OPHN1: variants seen among roughly 807,000 people sequenced by gnomAD.
The protein encoded by OPHN1 is oligophrenin-1.
A neutral mutation model predicts 60.7 loss-of-function variants in OPHN1; 11 were observed. The ratio of observed to expected loss-of-function variants is 0.18; its 90% CI spans 0.11 to 0.30. The LOEUF is 0.30. Among genes scored for constraint, OPHN1 ranks in the 10% least tolerant of loss-of-function variants. The pLI, the probability that OPHN1 is intolerant of heterozygous loss-of-function variation, is 1.00. For synonymous variants in OPHN1, 226 were observed against 222.6 expected (o/e 1.02, Z -0.14); for missense variants, 449 against 611.0 (o/e 0.73, Z 2.80).
At chrX:68,396,475 C>A (rs1213659999) in intron 2 of OPHN1, among the ~76,000 whole-genome samples, 1 of 105,066 alleles carries the variant, frequency 9.5e-6, no homozygotes, top group African/African-American at 3.5e-5. Flanking sequence ...GTGTTTAGGG[C>A]AAGAGAACTT....
rs537093148 is a variant in OPHN1 at position 68,232,929 on chromosome X, C to CTT, written c.486+1556_486+1557dup. Among the ~76,000 whole-genome samples, 710 of 94,160 alleles carry CTT rather than the reference C, an allele frequency of 7.5e-3. 16 individuals are homozygous for CTT. Among genetic ancestry groups the CTT allele is most frequent in the African/African-American group, 0.026 (654 of 25,640 alleles). 81.8% of individuals were successfully genotyped at this position (94,160 alleles called of 115,157 possible). A position where few individuals can be genotyped will look rare whatever the true frequency, so the allele number is the denominator to read the frequency against. ...ATACTAACTCCATCCACAACTAAGGCTTTTTTTTTTTTTTTTGAGACAGAG... is the reference window on the plus strand; with the variant it reads ...ATACTAACTCCATCCACAACTAAGGCTTTTTTTTTTTTTTTTTTGAGACAGAG... On this transcript the variant is annotated intron_variant, in intron 6 of 24. Coordinates refer to ENST00000355520, the MANE Select transcript of OPHN1 (RefSeq NM_002547.3).
intron 15 of OPHN1, among the ~76,000 whole-genome samples, chrX:68,145,828 T>A (rs1054550478): frequency 6.2e-5 from 7 of 112,394 alleles, no homozygotes; most frequent in African/African-American, 9.7e-5. Context: ...TACTTACACA[T>A]GTTTGATACA....
intron 5 of OPHN1, among the ~76,000 whole-genome samples, chrX:68,246,398 T>TA (rs1293697588): frequency 9.0e-6 from 1 of 111,286 alleles, no homozygotes; most frequent in Non-Finnish European, 1.9e-5. Flanking sequence ...AGGAGTGGGA[T>TA]AAAAAACCCA....
intron 5 of OPHN1, among the ~76,000 whole-genome samples, chrX:68,261,822 G>A (rs969716263): frequency 3.1e-4 from 35 of 111,412 alleles, no homozygotes; most frequent in Non-Finnish European, 5.6e-4. Context: ...TTCAAATCCT[G>A]GATTGTCCAC....
At chrX:68,403,538 G>C (rs2078725710) in intron 2 of OPHN1, among the ~76,000 whole-genome samples, 1 of 111,421 alleles carries the variant, frequency 9.0e-6, no homozygotes, top group Admixed American at 9.6e-5. Context: ...TTTTGAAGGT[G>C]TTGATGTTGA....
intron 2 of OPHN1, among the ~76,000 whole-genome samples, chrX:68,389,342 C>G (rs2078641265): frequency 9.2e-6 from 1 of 108,638 alleles, no homozygotes; most frequent in East Asian, 3.0e-4. Flanking sequence ...CCGAGGCAGG[C>G]AGATCATTTG....
intron 19 of OPHN1, among the ~76,000 whole-genome samples, chrX:68,090,517 G>A (rs1391881281): frequency 3.6e-5 from 4 of 110,916 alleles, no homozygotes; most frequent in Non-Finnish European, 5.7e-5. Flanking sequence ...GACCAGGACT[G>A]GAAGGGTCTG....
intron 2 of OPHN1, among the ~76,000 whole-genome samples, chrX:68,406,484 C>CACCTGTAA (rs1227759074): frequency 1.8e-5 from 2 of 109,853 alleles, no homozygotes; most frequent in African/African-American, 6.6e-5. Flanking sequence ...TAGTGGCGGG[C>CACCTGTAA]ACCTGTAATC....
rs761607454 is a variant in OPHN1, at chrX:68,370,011, A to AATATATATATATATATAT, written c.154+62838_154+62855dup. Among the ~76,000 whole-genome samples, 168 of 64,304 alleles carry AATATATATATATATATAT rather than the reference A, an allele frequency of 2.6e-3. 3 individuals are homozygous for AATATATATATATATATAT. Among genetic ancestry groups the AATATATATATATATATAT allele is most frequent in the African/African-American group, 9.1e-3 (117 of 12,794 alleles). The allele number at this position is 64,304 out of a possible 115,157, so 55.8% of individuals were successfully genotyped here. On this transcript the variant is annotated intron_variant, in intron 2 of 24. Coordinates refer to ENST00000355520, the MANE Select transcript of OPHN1 (RefSeq NM_002547.3). ...ACAGTGGGATGGCATAAATTGCTGA[A>AATATATATATATATATAT]ATATATATATATATATATATATATA...
chrX:68,090,679 T>C (rs941777985), intron 19 of OPHN1, among the ~76,000 whole-genome samples: 2 of 110,920 alleles, frequency 1.8e-5, no homozygotes, highest in East Asian at 2.8e-4. Context: ...TTTGGGAACA[T>C]AGGCAACACT....
At chrX:68,269,661 T>C (rs945865640) in intron 5 of OPHN1, among the ~76,000 whole-genome samples, 5 of 111,597 alleles carry the variant, frequency 4.5e-5, no homozygotes, top group Non-Finnish European at 9.4e-5. Context: ...GCAATACCAT[T>C]CAGGACATAG....
Position 68,291,831 on chromosome X carries a change from T to C in OPHN1, c.250+7170A>G, listed in dbSNP as rs17472292. ...CAATACCCCAATTTTCTTCCATTTC[T>C]TTGAGATGTTCCTCATTAATAAAGG... On this transcript the variant is annotated intron_variant, in intron 3 of 24. Coordinates refer to ENST00000355520, the MANE Select transcript of OPHN1 (RefSeq NM_002547.3). Among the ~76,000 whole-genome samples the C allele has an allele frequency of 4.5e-3, 500 of 111,315 alleles. 5 individuals are homozygous for C. The highest frequency in any genetic ancestry group is 0.016 in the African/African-American group (483 of 30,671).
intron 16 of OPHN1, among the ~76,000 whole-genome samples, chrX:68,116,159 G>A (rs1351407995): frequency 9.0e-6 from 1 of 111,060 alleles, no homozygotes; most frequent in Non-Finnish European, 1.9e-5. Context: ...GAGAGAGTAC[G>A]TTGTAAAATG....
chrX:68,108,983 T>G (rs1357313466), intron 18 of OPHN1, among the ~76,000 whole-genome samples: 1 of 111,861 alleles, frequency 8.9e-6, no homozygotes, highest in Non-Finnish European at 1.9e-5. Context: ...TTTCATTAGT[T>G]TATTTTTATA....
At chrX:68,409,902 G>A (rs1346741458) in intron 2 of OPHN1, among the ~76,000 whole-genome samples, 1 of 111,286 alleles carries the variant, frequency 9.0e-6, no homozygotes, top group Non-Finnish European at 1.9e-5. Flanking sequence ...ATTAATATGA[G>A]GTCAAGATGT....
At chrX:68,382,201 G>A (rs2078600407) in intron 2 of OPHN1, among the ~76,000 whole-genome samples, 1 of 110,268 alleles carries the variant, frequency 9.1e-6, no homozygotes, top group Non-Finnish European at 1.9e-5. Context: ...ACAAAAATCA[G>A]CCGGGCGTGG....
At chrX:68,157,954 CT>C (rs1286065460) in intron 15 of OPHN1, among the ~76,000 whole-genome samples, 1 of 110,881 alleles carries the variant, frequency 9.0e-6, no homozygotes, top group Non-Finnish European at 1.9e-5. Context: ...TCTTTTTTTT[CT>C]TTTTTTTCTT....
intron 10 of OPHN1, among the ~76,000 whole-genome samples, chrX:68,204,947 A>G (rs772171784): frequency 5.4e-5 from 6 of 111,959 alleles, no homozygotes; most frequent in Non-Finnish European, 1.1e-4. Flanking sequence ...TTGAAAAGTA[A>G]TGTGTGTAGA....
intron 23 of OPHN1, among the ~76,000 whole-genome samples, chrX:68,051,294 A>G (rs147614148): frequency 7.1e-4 from 79 of 111,786 alleles, no homozygotes; most frequent in African/African-American, 2.6e-3. Flanking sequence ...CTAACCAAAT[A>G]TCTCTCCAGA....
Sources: allele counts gnomAD v4.1 joint callset (sites outside exome capture counted in the v4.1 genomes callset), GRCh38; gene constraint gnomAD v4.1.1; transcripts MANE v1.5; gene names NCBI Gene and HGNC (gene_info 2026-07-23, HGNC 2026-07-21).